SKAP1: variants seen among roughly 807,000 people sequenced by gnomAD.
SKAP1 encodes src kinase-associated phosphoprotein 1.
SKAP1 carries 44 observed loss-of-function variants against 58.5 expected under a neutral mutation model. The observed-to-expected ratio is 0.75, with a 90% CI of 0.59 to 0.97. The LOEUF is 0.97. SKAP1 is among the 50% of genes least tolerant of loss of function. SKAP1 has a pLI of 0.00. For synonymous variants in SKAP1, 127 were observed against 149.7 expected, an observed-to-expected ratio of 0.85 and a Z score of 1.11; for missense variants, 390 against 435.2, an observed-to-expected ratio of 0.90 and a Z score of 0.92.
chr17:48,214,919 C>T (rs916713292), intron 4 of SKAP1, among the ~76,000 whole-genome samples: 3 of 33,286 alleles, frequency 9.0e-5, no homozygotes, highest in Admixed American at 7.4e-4. Context: ...GAGACTCTGT[C>T]TCAAAATAAA....
At chr17:48,350,474 T>A (rs2066784729) in intron 3 of SKAP1, among the ~76,000 whole-genome samples, 1 of 152,178 alleles carries the variant, frequency 6.6e-6, no homozygotes, top group Non-Finnish European at 1.5e-5. Context: ...GGCAGGCAGA[T>A]CACCTGAGTT....
chr17:48,144,959 C>T (rs1022095630), intron 11 of SKAP1, among the ~76,000 whole-genome samples: 1 of 152,174 alleles, frequency 6.6e-6, no homozygotes, highest in Admixed American at 6.5e-5. Context: ...TATTCCATAA[C>T]TCTACATATA....
At chr17:48,263,767 G>A (rs142202572) in intron 4 of SKAP1, among the ~76,000 whole-genome samples, 1 of 152,266 alleles carries the variant, frequency 6.6e-6, no homozygotes, top group East Asian at 1.9e-4. Flanking sequence ...AGCTTCAGGG[G>A]CTTTAGGAAC....
rs1413658223 is a variant in SKAP1, at chr17:48,162,583, G to A, written c.878-14C>T. 6.3e-7 allele frequency: 1 copy of A among 1,594,844 alleles called. No individual in the cohort carries two copies. Among genetic ancestry groups the A allele is most frequent in the Non-Finnish European group, 8.6e-7 (1 of 1,166,148 alleles). On this transcript the variant is annotated splice_polypyrimidine_tract_variant and intron_variant, in intron 10 of 12. Coordinates refer to ENST00000336915, the MANE Select transcript of SKAP1 (RefSeq NM_003726.4). ...TGGCATAGTCTACTGATCAAAGAGA[G>A]GAGAAATCAAAGTTAAAAGGACTCT...
At chr17:48,260,644 T>C (rs1310581150) in intron 4 of SKAP1, among the ~76,000 whole-genome samples, 3 of 152,086 alleles carry the variant, frequency 2.0e-5, no homozygotes, top group African/African-American at 7.2e-5. Context: ...TGTGTGTGTA[T>C]CAATATACAT....
chr17:48,372,907 C>T (rs1281218650), intron 2 of SKAP1, among the ~76,000 whole-genome samples: 1 of 152,256 alleles, frequency 6.6e-6, no homozygotes, highest in East Asian at 1.9e-4. Context: ...TTTGGCCTCC[C>T]CAAAGCACTG....
intron 4 of SKAP1, among the ~76,000 whole-genome samples, chr17:48,257,628 C>CTTTTTTTTTTTTTT (rs56225931): frequency 2.1e-3 from 232 of 111,086 alleles, no homozygotes; most frequent in Middle Eastern, 5.1e-3. Context: ...TTCTTTCTTT[C>CTTTTTTTTTTTTTT]TTTTTTTTTT....
chr17:48,411,564 AAG>A lies in SKAP1; in HGVS notation c.47-14781_47-14780del, dbSNP rs530849322. On this transcript the variant is annotated intron_variant, in intron 1 of 12. Transcript: ENST00000336915. ...GGGTGCACATAGCAACTGTCTTCCAAAGAGTATGGAAAGGATGAATAAGAAGT... is the reference window on the plus strand; with the variant it reads ...GGGTGCACATAGCAACTGTCTTCCAAAGTATGGAAAGGATGAATAAGAAGT... 5.3e-4 allele frequency among the ~76,000 whole-genome samples: 80 copies of A among 152,270 alleles called. 2 individuals are homozygous for A. The South Asian group carries it at 0.015, about 28-fold the overall frequency.
intron 4 of SKAP1, among the ~76,000 whole-genome samples, chr17:48,318,921 T>A (rs1442138585): frequency 6.6e-6 from 1 of 152,234 alleles, no homozygotes; most frequent in East Asian, 1.9e-4. Flanking sequence ...AGCTTCAGTT[T>A]ATTCAAAGGC....
At chr17:48,367,680 G>A (rs111396120) in intron 2 of SKAP1, among the ~76,000 whole-genome samples, 12,306 of 150,464 alleles carry the variant, frequency 0.082, 652 homozygotes, top group East Asian at 0.2. Context: ...CACTTTGGGA[G>A]ACCAAGGCAG....
intron 4 of SKAP1, among the ~76,000 whole-genome samples, chr17:48,341,499 A>G (rs2066651411): frequency 6.6e-6 from 1 of 152,214 alleles, no homozygotes; most frequent in Non-Finnish European, 1.5e-5. Context: ...TAAAAGTGCT[A>G]AAAATAGCAC....
chr17:48,251,494 T>G (rs1460661336), intron 4 of SKAP1, among the ~76,000 whole-genome samples: 1 of 152,030 alleles, frequency 6.6e-6, no homozygotes, highest in African/African-American at 2.4e-5. Flanking sequence ...AAGAAAATGT[T>G]TTTTAAAAAG....
chr17:48,390,538 G>A (rs17623939), intron 2 of SKAP1, among the ~76,000 whole-genome samples: 2,293 of 152,300 alleles, frequency 0.015, 21 homozygotes, highest in South Asian at 0.028. Context: ...ATGTGCCCAA[G>A]TGATAACGAT....
At chr17:48,439,304 AC>A in the SKAP1 span, among the ~76,000 whole-genome samples, 21 of 152,324 alleles carry the variant, frequency 1.4e-4, no homozygotes, top group African/African-American at 4.8e-4. Flanking sequence ...CTGTTGCATC[AC>A]ATCACTGAGG....
intron 4 of SKAP1, among the ~76,000 whole-genome samples, chr17:48,269,047 A>G (rs931864342): frequency 3.9e-5 from 6 of 152,106 alleles, no homozygotes; most frequent in Non-Finnish European, 7.4e-5. Context: ...ATATACTAAT[A>G]TATAATAAAT....
chr17:48,371,522 T>C (rs1473881277), intron 2 of SKAP1, among the ~76,000 whole-genome samples: 7 of 151,492 alleles, frequency 4.6e-5, no homozygotes. Flanking sequence ...ATCCTCATAT[T>C]ATTAGAAATA....
At chr17:48,318,036 G>A (rs1252480137) in intron 4 of SKAP1, among the ~76,000 whole-genome samples, 5 of 152,046 alleles carry the variant, frequency 3.3e-5, no homozygotes, top group Admixed American at 6.6e-5. Flanking sequence ...CCAGAAAAGC[G>A]CAAATAAACT....
intron 4 of SKAP1, among the ~76,000 whole-genome samples, chr17:48,240,807 C>T (rs532503289): frequency 2.0e-5 from 3 of 152,320 alleles, no homozygotes; most frequent in South Asian, 4.1e-4. Flanking sequence ...CCCACTCGTT[C>T]ACAATCCAGA....
intron 10 of SKAP1, among the ~76,000 whole-genome samples, chr17:48,163,541 C>T (rs577066475): frequency 2.8e-4 from 42 of 152,274 alleles, no homozygotes; most frequent in Non-Finnish European, 5.1e-4. Flanking sequence ...TTGGGGTGCT[C>T]TGTATCAGAG....
Sources: gnomAD v4.1 joint callset for allele counts (sites outside exome capture counted in the v4.1 genomes callset) on GRCh38, gnomAD v4.1.1 for gene constraint, MANE v1.5 for transcripts, NCBI Gene and HGNC (gene_info 2026-07-23, HGNC 2026-07-21) for gene names.